The following OXR1 variants were observed in gnomAD, a reference collection of about 807,000 sequenced individuals.
OXR1 encodes oxidation resistance protein 1.
Under a neutral mutation model 104.6 loss-of-function variants are expected in OXR1, and 41 were observed. The observed-to-expected ratio is 0.39, with a 90% confidence interval of 0.31 to 0.51. The LOEUF (loss-of-function observed/expected upper bound fraction) is 0.51, where lower values mean the gene tolerates loss of function less well. Ranked by LOEUF, OXR1 falls within the 20% of genes least tolerant of loss-of-function variation. OXR1 has a pLI of 0.77. For missense variants in OXR1, 955 were observed against 1,031.9 expected, an observed-to-expected ratio of 0.93 and a Z score of 1.02; for synonymous variants, 348 against 348.4, an observed-to-expected ratio of 1.00 and a Z score of 0.01.
intron 3 of OXR1, among the ~76,000 whole-genome samples, chr8:106,622,420 C>T (rs1420649594): frequency 1.3e-5 from 2 of 151,116 alleles, no homozygotes; most frequent in Non-Finnish European, 2.9e-5. Flanking sequence ...AAGTCCTAAT[C>T]ATGGCCCACA....
intron 3 of OXR1, among the ~76,000 whole-genome samples, chr8:106,566,295 CA>C (rs909896346): frequency 6.6e-6 from 1 of 151,990 alleles, no homozygotes; most frequent in Non-Finnish European, 1.5e-5. Context: ...ACAACCCCAT[CA>C]AAAAGTGGGT....
At position 106,707,031 on chromosome 8, in the gene OXR1, A is replaced by G; in HGVS notation, c.1510A>G (p.Lys504Glu). 4.3e-6 allele frequency: 7 copies of G among 1,614,002 alleles called. No individual in the cohort carries two copies. The highest frequency in any genetic ancestry group is 5.9e-6 in the Non-Finnish European group (7 of 1,179,976). ...DSQTEAEELR[K>E]LWKTHTMQQT... is the part of the protein sequence containing the mutation. ...ACAGACAGAGGCAGAAGAGCTACGC[A>G]AACTTTGGAAAACCCATACTATGCA... Residue 504 changes from lysine (K) to glutamate (E), a missense_variant, in exon 9 of 17, where the codon AAA becomes GAA. By Grantham distance (56) the Lys-to-Glu change is moderately conservative (BLOSUM62 1). This residue lies in a region of OXR1 where 849 missense variants were observed against 852.9 expected (regional missense o/e 1.00). Coordinates refer to ENST00000517566, the MANE Select transcript of OXR1 (RefSeq NM_001198533.2).
chr8:106,490,631 G>T (rs1336266353), intron 2 of OXR1, among the ~76,000 whole-genome samples: 5 of 152,136 alleles, frequency 3.3e-5, no homozygotes, highest in African/African-American at 1.2e-4. Flanking sequence ...CTCCCAAAGT[G>T]CTGAGATTAC....
chr8:106,429,499 A>T (rs757635264), intron 2 of OXR1, among the ~76,000 whole-genome samples: 10 of 152,028 alleles, frequency 6.6e-5, no homozygotes, highest in Non-Finnish European at 1.3e-4. Context: ...GTCTCTACTA[A>T]AATTACAAAA....
intron 1 of OXR1, among the ~76,000 whole-genome samples, chr8:106,327,033 C>T (rs1192757762): frequency 6.6e-6 from 1 of 151,646 alleles, no homozygotes; most frequent in Admixed American, 6.6e-5. Flanking sequence ...TTTTAATTTC[C>T]CATCTCTGAT....
chr8:106,533,941 A>G (rs973835838), intron 3 of OXR1, among the ~76,000 whole-genome samples: 4 of 152,092 alleles, frequency 2.6e-5, no homozygotes, highest in East Asian at 3.9e-4. Flanking sequence ...TTGAACTCCC[A>G]ACGTCAGGTG....
At chr8:106,294,395 C>CA (rs1200997871) in intron 1 of OXR1, among the ~76,000 whole-genome samples, 812 of 70,080 alleles carry the variant, frequency 0.012, 13 homozygotes, top group South Asian at 0.017. Flanking sequence ...GACTCTGTCT[C>CA]AAAAAAAAAA....
intron 1 of OXR1, among the ~76,000 whole-genome samples, chr8:106,307,177 G>A (rs1004974567): frequency 6.6e-6 from 1 of 152,180 alleles, no homozygotes; most frequent in African/African-American, 2.4e-5. Context: ...AACGTTATAG[G>A]AGGTTGCTTC....
At chr8:106,633,602 G>T (rs1294478069) in intron 3 of OXR1, among the ~76,000 whole-genome samples, 5 of 152,154 alleles carry the variant, frequency 3.3e-5, no homozygotes, top group African/African-American at 9.7e-5. Flanking sequence ...ATTTATTTTT[G>T]GCCCTGATCA....
chr8:106,748,207 T>C lies in OXR1; in HGVS notation c.2486+2345T>C, dbSNP rs369465756. Among the ~76,000 whole-genome samples, 16 of 152,320 alleles carry C rather than the reference T, an allele frequency of 1.1e-4. No individual in the cohort carries two copies. In the South Asian group the frequency reaches 2.1e-3, roughly 20 times the overall value. ...GTGCCAGTGTCTGAAACATGATAAA[T>C]GCACATTTAAAGTTGAACAAATTAG... On this transcript the variant is annotated intron_variant, in intron 16 of 16. Transcript: ENST00000517566.
chr8:106,618,016 G>A (rs1205963124), intron 3 of OXR1: 3 of 1,500,344 alleles, frequency 2.0e-6, no homozygotes, highest in Non-Finnish European at 2.7e-6. Context: ...CTGCCACCAG[G>A]GGTCAGGGAC....
intron 3 of OXR1, among the ~76,000 whole-genome samples, chr8:106,651,696 A>G (rs1294589764): frequency 6.6e-6 from 1 of 152,188 alleles, no homozygotes; most frequent in Non-Finnish European, 1.5e-5. Context: ...GGGAAGTATG[A>G]GTCCCCCAAC....
Position 106,425,191 on chromosome 8 carries a change from C to T in OXR1, c.23+65555C>T, listed in dbSNP as rs1287345021. Among the ~76,000 whole-genome samples the T allele has an allele frequency of 7.7e-5, 11 of 143,590 alleles. No homozygotes were observed. In the Admixed American group the frequency reaches 8.1e-4, roughly 11 times the overall value. The allele number at this position is 143,590 out of a possible 152,430, so 94.2% of individuals were successfully genotyped here. On this transcript the variant is annotated intron_variant, in intron 2 of 16. Coordinates refer to ENST00000517566, the MANE Select transcript of OXR1 (RefSeq NM_001198533.2). ...TGACCATGGCTCATTGCAGCCTAAA[C>T]CTCCTGGGCTCAAGGGATCCTCCTG...
At chr8:106,324,252 A>C (rs1814360693) in intron 1 of OXR1, among the ~76,000 whole-genome samples, 1 of 152,220 alleles carries the variant, frequency 6.6e-6, no homozygotes, top group South Asian at 2.1e-4. Flanking sequence ...TACCAAATTA[A>C]CACAGGAACA....
intron 2 of OXR1, among the ~76,000 whole-genome samples, chr8:106,507,870 G>A (rs1812274255): frequency 6.6e-6 from 1 of 152,198 alleles, no homozygotes; most frequent in African/African-American, 2.4e-5. Flanking sequence ...CAAAGAGAAT[G>A]TTGGCTTTTC....
At chr8:106,671,597 A>G (rs558385962) in intron 3 of OXR1, among the ~76,000 whole-genome samples, 1 of 152,226 alleles carries the variant, frequency 6.6e-6, no homozygotes, top group Non-Finnish European at 1.5e-5. Flanking sequence ...GACTGGATTA[A>G]GAAAATGTGG....
chr8:106,709,521 T>C (rs1405101650), intron 9 of OXR1, among the ~76,000 whole-genome samples: 1 of 151,918 alleles, frequency 6.6e-6, no homozygotes, highest in African/African-American at 2.4e-5. Context: ...AGTTACCTTA[T>C]ATTATAAAAC....
rs922429346 is a variant in OXR1 at position 106,288,038 on chromosome 8, G to A, written c.-139+17671G>A. Reference sequence around the variant, plus strand: ...AAGTTCTTCTACCAAAAGGAGTGAGGTATGAAGCATATCCTCTTGCCATGG... The same window carrying A: ...AAGTTCTTCTACCAAAAGGAGTGAGATATGAAGCATATCCTCTTGCCATGG... On this transcript the variant is annotated intron_variant, in intron 1 of 16. Transcript: ENST00000517566. Among the ~76,000 whole-genome samples, 5 of 152,160 alleles carry A rather than the reference G, an allele frequency of 3.3e-5. No individual in the cohort carries two copies. The South Asian group carries it at 8.3e-4, about 25-fold the overall frequency.
intron 1 of OXR1, among the ~76,000 whole-genome samples, chr8:106,315,859 T>C (rs563962535): frequency 5.3e-5 from 8 of 152,292 alleles, no homozygotes; most frequent in Admixed American, 2.6e-4. Flanking sequence ...ATGAGCCAAA[T>C]TGGAAACAAG....
Sources: allele counts gnomAD v4.1 joint callset (sites outside exome capture counted in the v4.1 genomes callset), GRCh38; gene constraint gnomAD v4.1.1; regional missense constraint gnomAD v4.1.1; transcripts MANE v1.5; gene names NCBI Gene and HGNC (gene_info 2026-07-23, HGNC 2026-07-21).